The following RYR3 variants were observed in gnomAD, a reference collection of about 807,000 sequenced individuals.
RYR3 encodes the protein brain ryanodine receptor-calcium release channel.
In RYR3, 207 loss-of-function variants were observed where a neutral mutation model predicts 584.3. The ratio of observed to expected loss-of-function variants is 0.35; its 90% CI spans 0.32 to 0.40. The LOEUF (loss-of-function observed/expected upper bound fraction) is 0.40. RYR3 is among the 10% of genes least tolerant of loss of function. RYR3 has a pLI of 1.00. For missense variants in RYR3, 5,616 were observed against 6,089.2 expected, an observed-to-expected ratio of 0.92 and a Z score of 2.59; for synonymous variants, 2,416 against 2,248.5, an observed-to-expected ratio of 1.07 and a Z score of -2.11.
At chr15:33,453,894 CCTTTT>C (rs1321514597) in intron 1 of RYR3, among the ~76,000 whole-genome samples, 1 of 152,128 alleles carries the variant, frequency 6.6e-6, no homozygotes, top group Admixed American at 6.5e-5. Context: ...TCAAACACAG[CCTTTT>C]CTTTTCATTG....
chr15:33,617,147 G>A (rs140501123), intron 19 of RYR3, among the ~76,000 whole-genome samples: 1,645 of 152,292 alleles, frequency 0.011, 29 homozygotes, highest in African/African-American at 0.034. Flanking sequence ...GGGCGTGGTG[G>A]CTCACGCCCG....
intron 1 of RYR3, among the ~76,000 whole-genome samples, chr15:33,352,856 T>C (rs1275960101): frequency 1.3e-5 from 2 of 152,174 alleles, no homozygotes; most frequent in African/African-American, 2.4e-5. Context: ...TTCTAGGAAG[T>C]AGGTTCAAGC....
chr15:33,834,326 T>TCACA (rs1567276017), intron 86 of RYR3, among the ~76,000 whole-genome samples: 1 of 69,496 alleles, frequency 1.4e-5, no homozygotes, highest in East Asian at 4.5e-4. Context: ...ACACACACAG[T>TCACA]GAGATTAACA....
chr15:33,558,668 A>G (rs930334086), intron 10 of RYR3, among the ~76,000 whole-genome samples: 8 of 152,166 alleles, frequency 5.3e-5, no homozygotes, highest in Admixed American at 3.9e-4. Context: ...TGACCCAGAA[A>G]TCCCAGTTTT....
chr15:33,696,532 T>G, intron 39 of RYR3, 41 bp downstream of exon 39: 1 of 1,596,012 alleles, frequency 6.3e-7, no homozygotes, highest in South Asian at 1.1e-5. Context: ...TCTAGGAGCT[T>G]TAAGTGGGAA....
intron 2 of RYR3, among the ~76,000 whole-genome samples, chr15:33,477,160 T>C (rs183018936): frequency 1.8e-4 from 27 of 152,292 alleles, no homozygotes; most frequent in Middle Eastern, 3.4e-3. Context: ...CTCAGCTGGC[T>C]ACAGAGCCTA....
chr15:33,843,394 G>T lies in RYR3; in HGVS notation c.13210-94G>T, dbSNP rs116865821. 3.1e-3 allele frequency: 2,516 copies of T among 803,412 alleles called. 8 individuals carry two copies. Among genetic ancestry groups the T allele is most frequent in the Non-Finnish European group, 4.5e-3 (2,165 of 481,780 alleles). 49.8% of individuals were successfully genotyped at this position (803,412 alleles called of 1,614,324 possible). ...TCAAAGAGTAGGACGAGTCAAGTGT[G>T]AACTTCTAACCAGAACTGACCTTCT... is the stretch of plus-strand genomic sequence containing the variant. On this transcript the variant is annotated intron_variant, in intron 91 of 103. Coordinates refer to ENST00000634891, the MANE Select transcript of RYR3 (RefSeq NM_001036.6).
Position 33,620,519 on chromosome 15 carries a change from A to G in RYR3, c.2358-3288A>G, listed in dbSNP as rs190493913. On this transcript the variant is annotated intron_variant, in intron 19 of 103. Coordinates refer to ENST00000634891, the MANE Select transcript of RYR3 (RefSeq NM_001036.6). ...AGCATCCTCTGAATTATGGATTCAT[A>G]TATCTAACTGTGGGACCTCAACCAA... is the stretch of plus-strand genomic sequence containing the variant. Among the ~76,000 whole-genome samples the G allele has an allele frequency of 6.6e-5, 10 of 152,312 alleles. No individual in the cohort carries two copies. In the East Asian group the frequency reaches 1.9e-3, roughly 29 times the overall value.
At chr15:33,599,572 T>A (rs111909582) in intron 16 of RYR3, among the ~76,000 whole-genome samples, 2 of 152,168 alleles carry the variant, frequency 1.3e-5, no homozygotes, top group African/African-American at 4.8e-5. Flanking sequence ...GAGTTTCTGA[T>A]TAGCCTTTCC....
rs371758210 is a variant in RYR3 at position 33,435,573 on chromosome 15, T to A, written c.52-37846T>A. On this transcript the variant is annotated intron_variant, in intron 1 of 103. Coordinates refer to ENST00000634891, the MANE Select transcript of RYR3 (RefSeq NM_001036.6). ...AATGAAATTGATGGGTCAAATGGGC[T>A]ATATGCCTCTTCCTCCATATTGTGT... Among the ~76,000 whole-genome samples, 7 of 152,364 alleles carry A rather than the reference T, an allele frequency of 4.6e-5. No homozygotes were observed. In the East Asian group the frequency reaches 1.3e-3, roughly 29 times the overall value.
At chr15:33,865,059 G>T in intron 103 of RYR3, 72 bp from the exon 104 acceptor site, 1 of 1,208,322 alleles carries the variant, frequency 8.3e-7, no homozygotes, top group Non-Finnish European at 1.2e-6. Context: ...GAGCCACAAA[G>T]AACAAAAACA....
At chr15:33,628,152 G>T (rs2061088057) in intron 20 of RYR3, among the ~76,000 whole-genome samples, 1 of 152,208 alleles carries the variant, frequency 6.6e-6, no homozygotes, top group East Asian at 1.9e-4. Flanking sequence ...GGCCTGACTT[G>T]GGAGTGATCA....
chr15:33,757,579 G>A lies in RYR3; in HGVS notation c.8688G>A (p.Glu2896=). ...LSSSGYASHK[E]KEMVAGLFCK... ...GCAGCGGATATGCCTCCCATAAGGA[G>A]AAAGAAATGGTGGCCGGGTGAGTCT... is the stretch of plus-strand genomic sequence containing the variant. The change falls in exon 60 of 104, where the codon GAG becomes GAA. Residue 2896 remains glutamate (E), a synonymous_variant. Transcript: ENST00000634891. 3.1e-6 allele frequency: 5 copies of A among 1,611,058 alleles called. No homozygotes were observed. The highest frequency in any genetic ancestry group is 4.2e-6 in the Non-Finnish European group (5 of 1,178,884).
rs1324382972 is a variant in RYR3 at position 33,580,099 on chromosome 15, C to G, written c.1392C>G (p.Asn464Lys). 2 of 1,613,136 alleles carry G rather than the reference C, an allele frequency of 1.2e-6. No homozygotes were observed. Among genetic ancestry groups the G allele is most frequent in the Non-Finnish European group, 8.5e-7 (1 of 1,179,514 alleles). ...EEEMRHEDKQNKLRSLKNRQN... is the reference protein window; with the variant it reads ...EEEMRHEDKQKKLRSLKNRQN... ...AGATGCGACATGAAGACAAGCAGAA[C>G]AAGCTCCGCTCACTCAAAAACAGAC... The change falls in exon 13 of 104, where the codon AAC becomes AAG. Residue 464 changes from asparagine to lysine, a missense_variant. Physicochemically the swap from Asn to Lys is moderately conservative, Grantham distance 94 (BLOSUM62 0). Transcript: ENST00000634891.
chr15:33,313,455 A>AT (rs577892149), intron 1 of RYR3, among the ~76,000 whole-genome samples: 9 of 152,260 alleles, frequency 5.9e-5, no homozygotes, highest in East Asian at 5.8e-4. Context: ...CGACAAAATG[A>AT]TTTTTTGGAA....
chr15:33,450,106 A>AG (rs2046999907), intron 1 of RYR3, among the ~76,000 whole-genome samples: 2 of 143,368 alleles, frequency 1.4e-5, no homozygotes, highest in South Asian at 4.4e-4. Context: ...AAAAAAAAAA[A>AG]AAAAAGCCGG....
chr15:33,451,576 C>T (rs1211628125), intron 1 of RYR3, among the ~76,000 whole-genome samples: 7 of 152,276 alleles, frequency 4.6e-5, no homozygotes, highest in African/African-American at 7.2e-5. Flanking sequence ...TCTGCAGCAG[C>T]GTGCCAGAAC....
At position 33,772,080 on chromosome 15, in the gene RYR3, A is replaced by C; in HGVS notation, c.8977A>C (p.Thr2993Pro). ...IKGVSQNINY[T>P]TVALLPILTS... ...AGGCGTTTCTCAGAATATTAACTAC[A>C]CTACAGTGGCTCTGCTCCCCATCCT... is the stretch of plus-strand genomic sequence containing the variant. The change falls in exon 63 of 104, where the codon ACT becomes CCT. Residue 2993 changes from threonine (T) to proline (P), a missense_variant. By Grantham distance (38) the Thr-to-Pro change is conservative (BLOSUM62 -1). Coordinates refer to ENST00000634891, the MANE Select transcript of RYR3 (RefSeq NM_001036.6). The C allele has an allele frequency of 6.2e-7, 1 of 1,613,764 alleles. No individual in the cohort carries two copies. Among genetic ancestry groups the C allele is most frequent in the South Asian group, 1.1e-5 (1 of 91,022 alleles).
chr15:33,696,238 T>G lies in RYR3; in HGVS notation c.5881T>G (p.Ser1961Ala), dbSNP rs1307851092. The G allele has an allele frequency of 6.2e-7, 1 of 1,613,564 alleles. No homozygotes were observed. Among genetic ancestry groups the G allele is most frequent in the Non-Finnish European group, 8.5e-7 (1 of 1,179,752 alleles). Residue 1961 changes from serine (S) to alanine (A), a missense_variant, in exon 39 of 104, where the codon TCA (serine) becomes GCA (alanine). By Grantham distance (99) the Ser-to-Ala change is moderately conservative. Coordinates refer to ENST00000634891, the MANE Select transcript of RYR3 (RefSeq NM_001036.6). ...TCCAGCAACATTGAAGGAACTCATCTCACAGACGATGATCTGCTGGGCCCA... is the reference window on the plus strand; with the variant it reads ...TCCAGCAACATTGAAGGAACTCATCGCACAGACGATGATCTGCTGGGCCCA... ...RCPTTLKELI[S>A]QTMICWAQED...
Sources: allele counts gnomAD v4.1 joint callset (sites outside exome capture counted in the v4.1 genomes callset), GRCh38; gene constraint gnomAD v4.1.1; transcripts MANE v1.5; gene names NCBI Gene and HGNC (gene_info 2026-07-23, HGNC 2026-07-21).